Variants in MARCHF5 observed in about 807,000 individuals in gnomAD.
The protein encoded by MARCHF5 is E3 ubiquitin-protein ligase MARCHF5.
A neutral mutation model predicts 36.5 loss-of-function variants in MARCHF5; 5 were observed. The observed-to-expected ratio is 0.14, with a 90% CI of 0.07 to 0.29. MARCHF5 has a LOEUF of 0.29. Among genes scored for constraint, MARCHF5 ranks in the 10% least tolerant of loss-of-function variants. MARCHF5 has a pLI of 1.00. For synonymous variants in MARCHF5, 103 were observed against 109.9 expected (o/e 0.94, Z 0.39); for missense variants, 179 against 336.3 (o/e 0.53, Z 3.66).
intron 1 of MARCHF5, among the ~76,000 whole-genome samples, chr10:92,297,978 A>T (rs1842967691): frequency 6.6e-6 from 1 of 152,162 alleles, no homozygotes; most frequent in South Asian, 2.1e-4. Context: ...CAGGCCAATC[A>T]CTTGAGCTCA....
At chr10:92,300,172 A>AG (rs1842996573) in intron 1 of MARCHF5, among the ~76,000 whole-genome samples, 1 of 150,886 alleles carries the variant, frequency 6.6e-6, no homozygotes, top group Admixed American at 6.6e-5. Context: ...CAAAAAAAAA[A>AG]AAGAAAAGAA....
intron 2 of MARCHF5, among the ~76,000 whole-genome samples, chr10:92,317,117 A>T (rs1348953572): frequency 6.6e-6 from 1 of 151,964 alleles, no homozygotes; most frequent in Non-Finnish European, 1.5e-5. Flanking sequence ...TATTATTATT[A>T]TTTTTTGAGA....
At chr10:92,327,352 TAA>T (rs920654279) in intron 2 of MARCHF5, among the ~76,000 whole-genome samples, 30 of 146,674 alleles carry the variant, frequency 2.0e-4, no homozygotes, top group African/African-American at 6.7e-4. Context: ...AAGAGCTTTT[TAA>T]AAAAAAAAAC....
chr10:92,332,224 A>C (rs570199641), intron 2 of MARCHF5, among the ~76,000 whole-genome samples: 1 of 152,028 alleles, frequency 6.6e-6, no homozygotes, highest in South Asian at 2.1e-4. Context: ...ATATATAATT[A>C]ACTTAGTTAT....
At chr10:92,311,719 C>T (rs1280274920) in intron 2 of MARCHF5, among the ~76,000 whole-genome samples, 1 of 152,086 alleles carries the variant, frequency 6.6e-6, no homozygotes, top group African/African-American at 2.4e-5. Context: ...TAATACTTCT[C>T]CTTAATTCTT....
chr10:92,318,498 ATTGC>A (rs1476269454), intron 2 of MARCHF5, among the ~76,000 whole-genome samples: 2 of 151,726 alleles, frequency 1.3e-5, no homozygotes, highest in African/African-American at 4.8e-5. Flanking sequence ...AGGCAGGCAG[ATTGC>A]TTGAGCCCAG....
rs375467796 is a variant in MARCHF5 at position 92,349,340 on chromosome 10, G to A, written c.370-9G>A. On this transcript the variant is annotated splice_polypyrimidine_tract_variant and intron_variant, in intron 3 of 5. Coordinates refer to ENST00000358935, the MANE Select transcript of MARCHF5 (RefSeq NM_017824.5). ...GAAGTAATTCTAATATATGCTATCT[G>A]TTTCACAGGTTGTAGGTCATAAAGA... 6.3e-7 allele frequency: 1 copy of A among 1,590,422 alleles called. No homozygotes were observed. The highest frequency in any genetic ancestry group is 8.6e-7 in the Non-Finnish European group (1 of 1,168,550).
chr10:92,295,085 TG>T (rs1842931840), intron 1 of MARCHF5, among the ~76,000 whole-genome samples: 1 of 152,158 alleles, frequency 6.6e-6, no homozygotes, highest in Non-Finnish European at 1.5e-5. Context: ...TTACACTTAT[TG>T]AATTTATTTA....
chr10:92,291,237 G>A lies in MARCHF5; in HGVS notation c.-258G>A, dbSNP rs1029116909. ...GGTCCATGGACCGGAACCTCGGGCCGACGGACGGGAACCCGGGCCGCGATC... is the reference window on the plus strand; with the variant it reads ...GGTCCATGGACCGGAACCTCGGGCCAACGGACGGGAACCCGGGCCGCGATC... On this transcript the variant is annotated 5_prime_UTR_variant, in exon 1 of 6. Transcript: ENST00000358935. 3.7e-6 allele frequency: 2 copies of A among 536,054 alleles called. No individual in the cohort carries two copies. Among genetic ancestry groups the A allele is most frequent in the Non-Finnish European group, 6.5e-6 (2 of 307,804 alleles). 33.2% of individuals were successfully genotyped at this position (536,054 alleles called of 1,614,324 possible).
chr10:92,314,884 G>A (rs1299460649), intron 2 of MARCHF5, among the ~76,000 whole-genome samples: 1 of 152,030 alleles, frequency 6.6e-6, no homozygotes, highest in Admixed American at 6.6e-5. Context: ...TGCCCAGCCT[G>A]CCGCTGCATT....
rs199682466 is a variant in MARCHF5 at position 92,340,669 on chromosome 10, A to G, written c.239-4A>G. ...AACCTTTACTTCTTTTCTGTGTGTT[A>G]TAGGTCCAGTGGTTTACGTCTTGGA... On this transcript the variant is annotated splice_region_variant and splice_polypyrimidine_tract_variant and intron_variant, in intron 2 of 5. Coordinates refer to ENST00000358935, the MANE Select transcript of MARCHF5 (RefSeq NM_017824.5). 3 of 1,601,530 alleles carry G rather than the reference A, an allele frequency of 1.9e-6. No individual in the cohort carries two copies. The highest frequency in any genetic ancestry group is 1.3e-5 in the African/African-American group (1 of 74,234).
At chr10:92,348,920 G>T (rs915849330) in intron 3 of MARCHF5, among the ~76,000 whole-genome samples, 4 of 152,212 alleles carry the variant, frequency 2.6e-5, no homozygotes, top group African/African-American at 7.2e-5. Flanking sequence ...TTGAAGGCCG[G>T]TCCTACCTCT....
intron 2 of MARCHF5, among the ~76,000 whole-genome samples, chr10:92,332,688 T>C (rs922797977): frequency 6.6e-5 from 10 of 151,468 alleles, no homozygotes; most frequent in Non-Finnish European, 1.3e-4. Context: ...GCCCAGCTAA[T>C]TTTTGTATTT....
At chr10:92,325,299 C>T (rs1186570248) in intron 2 of MARCHF5, among the ~76,000 whole-genome samples, 4 of 152,200 alleles carry the variant, frequency 2.6e-5, no homozygotes, top group Non-Finnish European at 5.9e-5. Context: ...GCTGTTATTG[C>T]ACTGCTGCAC....
At chr10:92,329,936 C>G (rs763275066) in intron 2 of MARCHF5, among the ~76,000 whole-genome samples, 1 of 152,176 alleles carries the variant, frequency 6.6e-6, no homozygotes, top group Non-Finnish European at 1.5e-5. Flanking sequence ...ACCTCCGCCT[C>G]CCGGGTTCAA....
Position 92,351,194 on chromosome 10 carries a change from A to C in MARCHF5, c.824A>C (p.Gln275Pro). 1 of 1,606,616 alleles carries C rather than the reference A, an allele frequency of 6.2e-7. No individual in the cohort carries two copies. Among genetic ancestry groups the C allele is most frequent in the South Asian group, 1.1e-5 (1 of 90,322 alleles). ...AHRKILNYPE[Q>P]EEA The stretch of plus-strand genomic sequence containing the variant: ...CGCAAAATTCTGAATTATCCAGAAC[A>C]AGAAGAAGCATAAAACTGACTTCTG... The change falls in exon 6 of 6, where the codon CAA becomes CCA. Residue 275 changes from glutamine to proline, a missense_variant. Gln to Pro is a moderately conservative substitution (Grantham distance 76). Transcript: ENST00000358935.
Position 92,349,558 on chromosome 10 carries a change from A to G in MARCHF5, c.553+26A>G, listed in dbSNP as rs749636691. 11 of 1,602,528 alleles carry G rather than the reference A, an allele frequency of 6.9e-6. No homozygotes were observed. In the South Asian group the frequency reaches 1.1e-4, roughly 16 times the overall value. On this transcript the variant is annotated intron_variant, in intron 4 of 5. Coordinates refer to ENST00000358935, the MANE Select transcript of MARCHF5 (RefSeq NM_017824.5). The stretch of plus-strand genomic sequence containing the variant: ...GTAAGGCACTGAACTGTGGTTGTAA[A>G]GTGCATACCAAATTGATCTTGAAGA...
intron 3 of MARCHF5, among the ~76,000 whole-genome samples, chr10:92,342,165 C>G (rs553894779): frequency 6.6e-6 from 1 of 150,514 alleles, no homozygotes; most frequent in South Asian, 2.1e-4. Context: ...AACCGCCCCC[C>G]GACAAAACAA....
At chr10:92,339,042 C>CT (rs72214461) in intron 2 of MARCHF5, among the ~76,000 whole-genome samples, 78,611 of 143,082 alleles carry the variant, frequency 0.55, 21,369 homozygotes, top group Admixed American at 0.66. Flanking sequence ...AAAACTCTGT[C>CT]TCAAAAAAAA....
Sources: gnomAD v4.1 joint callset for allele counts (sites outside exome capture counted in the v4.1 genomes callset) on GRCh38, gnomAD v4.1.1 for gene constraint, MANE v1.5 for transcripts, NCBI Gene and HGNC (gene_info 2026-07-23, HGNC 2026-07-21) for gene names.